The following CCSER1 variants were observed in gnomAD, a reference collection of about 807,000 sequenced individuals.
CCSER1 encodes the protein coiled-coil serine rich protein 1, also known as serine-rich coiled-coil domain-containing protein 1.
In CCSER1, 41 loss-of-function variants were observed where a neutral mutation model predicts 82.0. The observed-to-expected ratio is 0.50, with a 90% CI of 0.39 to 0.65. The LOEUF (loss-of-function observed/expected upper bound fraction) is 0.65. Among genes scored for constraint, CCSER1 ranks in the 30% least tolerant of loss-of-function variants. The pLI is 0.00. For missense variants in CCSER1, 1,119 were observed against 1,064.2 expected (o/e 1.05, Z -0.72); for synonymous variants, 414 against 383.9 (o/e 1.08, Z -0.92).
chr4:91,470,195 TTGAAG>T (rs1295101150), intron 10 of CCSER1, among the ~76,000 whole-genome samples: 1 of 152,204 alleles, frequency 6.6e-6, no homozygotes, highest in Non-Finnish European at 1.5e-5. Flanking sequence ...AATGTTGAAT[TTGAAG>T]TGAAGTTATA....
At chr4:90,532,854 T>G (rs553064937) in intron 5 of CCSER1, among the ~76,000 whole-genome samples, 42 of 152,174 alleles carry the variant, frequency 2.8e-4, no homozygotes, top group Non-Finnish European at 4.7e-4. Context: ...CCTCTACTTC[T>G]CCCAAGTATC....
At chr4:91,255,128 A>G (rs905022377) in intron 10 of CCSER1, among the ~76,000 whole-genome samples, 1 of 152,190 alleles carries the variant, frequency 6.6e-6, no homozygotes, top group Admixed American at 6.5e-5. Context: ...TGGAATATTA[A>G]TGGTCATATT....
intron 10 of CCSER1, among the ~76,000 whole-genome samples, chr4:91,284,873 A>T (rs1302815577): frequency 6.6e-6 from 1 of 152,118 alleles, no homozygotes; most frequent in Non-Finnish European, 1.5e-5. Context: ...ACTGAGAAGG[A>T]TCCGTGAATC....
chr4:90,923,240 AAC>A (rs1329421040), intron 8 of CCSER1, 128 bp from the exon 9 acceptor site: 2 of 688,650 alleles, frequency 2.9e-6, no homozygotes, highest in Non-Finnish European at 5.1e-6. Context: ...TAAGAGCACT[AAC>A]ACAGCAAAGC....
intron 10 of CCSER1, among the ~76,000 whole-genome samples, chr4:91,407,711 A>G (rs1752785532): frequency 6.6e-6 from 1 of 152,144 alleles, no homozygotes; most frequent in Admixed American, 6.6e-5. Context: ...GAGAGAAGGG[A>G]CAAGAGAGAT....
At position 91,075,839 on chromosome 4, in the gene CCSER1, GA is replaced by G. The variant is rs141984650; in HGVS notation, c.2173-10110del. On this transcript the variant is annotated intron_variant, in intron 9 of 10. Transcript: ENST00000509176. ...GTTAGTTGGGGTGATATTACAGTAT[GA>G]TTTTTTTTAAAGCAAATCAACCAAA... Among the ~76,000 whole-genome samples, 228 of 152,082 alleles carry G rather than the reference GA, an allele frequency of 1.5e-3. 7 individuals carry two copies. In the East Asian group the frequency reaches 0.039, roughly 26 times the overall value.
At chr4:90,736,335 T>C (rs563847849) in intron 7 of CCSER1, among the ~76,000 whole-genome samples, 1 of 152,182 alleles carries the variant, frequency 6.6e-6, no homozygotes, top group East Asian at 1.9e-4. Context: ...TGTATTGGAG[T>C]CAATCTCTCT....
intron 6 of CCSER1, among the ~76,000 whole-genome samples, chr4:90,646,965 A>G (rs1181658044): frequency 6.6e-6 from 1 of 151,878 alleles, no homozygotes; most frequent in East Asian, 1.9e-4. Context: ...CCCCCACCCC[A>G]ACACACATCC....
chr4:90,448,581 C>T (rs1761019071), intron 4 of CCSER1, among the ~76,000 whole-genome samples: 1 of 150,480 alleles, frequency 6.6e-6, no homozygotes, highest in African/African-American at 2.4e-5. Context: ...AATCTTCGTT[C>T]ATAAATTCCA....
intron 10 of CCSER1, among the ~76,000 whole-genome samples, chr4:91,507,797 G>A (rs955076681): frequency 4.0e-5 from 6 of 151,250 alleles, no homozygotes; most frequent in Non-Finnish European, 1.5e-5. Flanking sequence ...GATGCTTTTG[G>A]TGTCTTATCT....
chr4:90,554,096 C>T (rs1208215863), intron 5 of CCSER1, among the ~76,000 whole-genome samples: 1 of 152,152 alleles, frequency 6.6e-6, no homozygotes, highest in Non-Finnish European at 1.5e-5. Context: ...TGCTGTGGCT[C>T]ACACCTATAA....
intron 8 of CCSER1, among the ~76,000 whole-genome samples, chr4:90,890,391 C>A (rs1722783360): frequency 6.6e-6 from 1 of 152,160 alleles, no homozygotes. Context: ...TATCCCCTTA[C>A]ATTATTTTAC....
At chr4:90,703,040 C>G (rs959267544) in intron 6 of CCSER1, among the ~76,000 whole-genome samples, 1 of 152,008 alleles carries the variant, frequency 6.6e-6, no homozygotes, top group African/African-American at 2.4e-5. Context: ...GCTCTTGCTT[C>G]TCTAGTTGTT....
intron 10 of CCSER1, among the ~76,000 whole-genome samples, chr4:91,539,747 C>A (rs1411852883): frequency 6.6e-6 from 1 of 151,948 alleles, no homozygotes; most frequent in Non-Finnish European, 1.5e-5. Context: ...TGTAATCAGT[C>A]TATCTATCAC....
intron 5 of CCSER1, among the ~76,000 whole-genome samples, chr4:90,555,145 A>T (rs1360815588): frequency 2.0e-5 from 3 of 152,104 alleles, no homozygotes; most frequent in African/African-American, 7.2e-5. Flanking sequence ...TTCATTTTCC[A>T]AAAAGGGAAA....
chr4:91,105,456 A>C (rs1037729730), intron 10 of CCSER1, among the ~76,000 whole-genome samples: 4 of 152,058 alleles, frequency 2.6e-5, no homozygotes, highest in Non-Finnish European at 5.9e-5. Context: ...CTGTAATCCC[A>C]GCACTTTGGG....
intron 9 of CCSER1, among the ~76,000 whole-genome samples, chr4:91,079,780 T>G (rs1362042369): frequency 1.3e-5 from 2 of 152,174 alleles, no homozygotes; most frequent in Admixed American, 1.3e-4. Flanking sequence ...TAGTCTCTGA[T>G]AAAACAGACT....
At chr4:91,423,132 A>G (rs796433246) in intron 10 of CCSER1, among the ~76,000 whole-genome samples, 15 of 152,232 alleles carry the variant, frequency 9.9e-5, no homozygotes, top group African/African-American at 3.1e-4. Context: ...TTCTTTTAAA[A>G]AAAGTAGGTC....
At chr4:91,240,347 T>G (rs368462562) in intron 10 of CCSER1, among the ~76,000 whole-genome samples, 608 of 51,726 alleles carry the variant, frequency 0.012, 28 homozygotes, top group Middle Eastern at 0.028. Context: ...AAAGTGCTGG[T>G]ATTACAAGCG....
Sources: gnomAD v4.1 joint callset for allele counts (sites outside exome capture counted in the v4.1 genomes callset) on GRCh38, gnomAD v4.1.1 for gene constraint, MANE v1.5 for transcripts, NCBI Gene and HGNC (gene_info 2026-07-23, HGNC 2026-07-21) for gene names.